Variants in PRDM16 observed in about 807,000 individuals in gnomAD.
The protein encoded by PRDM16 is histone-lysine N-methyltransferase PRDM16.
A neutral mutation model predicts 110.6 loss-of-function variants in PRDM16; 23 were observed. That is an observed-to-expected ratio of 0.21 (90% CI 0.15 to 0.29). The LOEUF (loss-of-function observed/expected upper bound fraction) is 0.29. Among genes scored for constraint, PRDM16 ranks in the 10% least tolerant of loss-of-function variants. The pLI is 1.00. For missense variants in PRDM16, 1,615 were observed against 1,794.3 expected, an observed-to-expected ratio of 0.90 and a Z score of 1.81; for synonymous variants, 799 against 781.8, an observed-to-expected ratio of 1.02 and a Z score of -0.37.
rs186426649 is a variant in PRDM16, at chr1:3,359,807, C to T, written c.439-25345C>T. Among the ~76,000 whole-genome samples, 2 of 152,156 alleles carry T rather than the reference C, an allele frequency of 1.3e-5. No individual in the cohort carries two copies. The highest frequency in any genetic ancestry group is 2.9e-5 in the Non-Finnish European group (2 of 68,038). ...GGGAAAAACGAGCCTGGCCTGAAAC[C>T]ACGCCCGTGCTCAAAGTGATGTTTA... is the stretch of plus-strand genomic sequence containing the variant. On this transcript the variant is annotated intron_variant, in intron 3 of 16. Coordinates refer to ENST00000270722, the MANE Select transcript of PRDM16 (RefSeq NM_022114.4). The surrounding 1 kb of genome is among the most constrained non-coding windows in gnomAD (Gnocchi z 4.3).
intron 1 of PRDM16, among the ~76,000 whole-genome samples, chr1:3,095,570 C>T (rs1035590477): frequency 1.3e-5 from 2 of 152,140 alleles, no homozygotes; most frequent in African/African-American, 4.8e-5. Context: ...CCTAGTGCCC[C>T]CTGGACTCAG....
intron 3 of PRDM16, among the ~76,000 whole-genome samples, chr1:3,280,967 C>T (rs75596275): frequency 0.017 from 2,616 of 152,318 alleles, 81 homozygotes; most frequent in African/African-American, 0.059. Context: ...TCTGGGAGGC[C>T]GAGTGGCTGC....
rs549344738 is a variant in PRDM16, at chr1:3,084,232, C to T, written c.37+14936C>T. On this transcript the variant is annotated intron_variant, in intron 1 of 16. Transcript: ENST00000270722. The stretch of plus-strand genomic sequence containing the variant: ...GGGGCGTCTGGGGGCCTGTACCCCT[C>T]GGGTGGGGCAGGTTGGGCTGGAGCC... 5.6e-4 allele frequency among the ~76,000 whole-genome samples: 86 copies of T among 152,240 alleles called. 1 individual carries two copies. Among genetic ancestry groups the T allele is most frequent in the Non-Finnish European group, 8.7e-4 (59 of 67,998 alleles).
chr1:3,316,374 C>T (rs116353006), intron 3 of PRDM16, among the ~76,000 whole-genome samples: 2,839 of 152,220 alleles, frequency 0.019, 92 homozygotes, highest in African/African-American at 0.063. Flanking sequence ...GCAAAAGCTA[C>T]GGGACCCCCG....
At position 3,265,923 on chromosome 1, in the gene PRDM16, G is replaced by T. The variant is rs199592159; in HGVS notation, c.438+21786G>T. Among the ~76,000 whole-genome samples the T allele has an allele frequency of 1.4e-4, 22 of 152,152 alleles. No individual in the cohort carries two copies. In the East Asian group the frequency reaches 4.3e-3, roughly 30 times the overall value. ...ACTGCTCCCCAGGGTTCCTTGGTGC[G>T]TGTCTCATAAAGCCCAGGAGGGCGA... On this transcript the variant is annotated intron_variant, in intron 3 of 16. Coordinates refer to ENST00000270722, the MANE Select transcript of PRDM16 (RefSeq NM_022114.4). The surrounding 1 kb of genome is among the most constrained non-coding windows in gnomAD (Gnocchi z 4.5).
At chr1:3,354,044 CT>C in intron 3 of PRDM16, among the ~76,000 whole-genome samples, 1 of 152,346 alleles carries the variant, frequency 6.6e-6, no homozygotes, top group East Asian at 1.9e-4. Flanking sequence ...GAACCGGGTC[CT>C]GGTCCAGGCA....
chr1:3,402,988 A>G lies in PRDM16; in HGVS notation c.874A>G (p.Asn292Asp). The G allele has an allele frequency of 1.2e-6, 2 of 1,604,572 alleles. No individual in the cohort carries two copies. Among genetic ancestry groups the G allele is most frequent in the East Asian group, 2.2e-5 (1 of 44,720 alleles). The change falls in exon 6 of 17, where the codon AAC (asparagine) becomes GAC (aspartate). Residue 292 changes from asparagine to aspartate, a missense_variant. Asn to Asp is a conservative substitution (Grantham distance 23, BLOSUM62 1). Around this residue, in one of 5 missense-constraint regions of PRDM16, gnomAD observed 416 missense variants for 467.1 expected, o/e 0.89. Transcript: ENST00000270722. The part of the protein sequence containing the change: ...ECKDCERMFP[N>D]KYSLEQHMVI... The stretch of plus-strand genomic sequence containing the variant: ...CAAGGACTGCGAGCGGATGTTCCCC[A>G]ACAAGTACAGGTGCCACGCCCTCCT...
At chr1:3,083,479 G>A (rs1298212981) in intron 1 of PRDM16, among the ~76,000 whole-genome samples, 1 of 152,258 alleles carries the variant, frequency 6.6e-6, no homozygotes, top group Non-Finnish European at 1.5e-5. Flanking sequence ...CTAGGGTTGG[G>A]GGTTTCACCC....
chr1:3,336,818 CTG>C (rs1430349919), intron 3 of PRDM16, among the ~76,000 whole-genome samples: 3 of 145,160 alleles, frequency 2.1e-5, no homozygotes, highest in East Asian at 4.2e-4. Context: ...TGGAGTGAGT[CTG>C]TGTGTGCATG....
At chr1:3,118,584 G>T (rs970465359) in intron 1 of PRDM16, among the ~76,000 whole-genome samples, 11 of 152,252 alleles carry the variant, frequency 7.2e-5, no homozygotes, top group Admixed American at 6.5e-4. Context: ...CACCAGGAGA[G>T]GGGGAGGCAA....
chr1:3,270,954 A>G (rs2100288475), intron 3 of PRDM16, among the ~76,000 whole-genome samples: 2 of 152,062 alleles, frequency 1.3e-5, no homozygotes, highest in East Asian at 3.9e-4. Context: ...GGGCAGTTCC[A>G]GAGGAGCAGT....
chr1:3,155,575 G>A (rs766531334), intron 1 of PRDM16, among the ~76,000 whole-genome samples: 10 of 152,268 alleles, frequency 6.6e-5, no homozygotes, highest in African/African-American at 9.6e-5. Context: ...CAGCAGCGTT[G>A]CCGCGTCTCA....
At chr1:3,324,406 C>G (rs527528910) in intron 3 of PRDM16, among the ~76,000 whole-genome samples, 27 of 152,190 alleles carry the variant, frequency 1.8e-4, no homozygotes, top group Non-Finnish European at 3.4e-4. Flanking sequence ...CACTCCCAGA[C>G]AATCTCTCCA....
chr1:3,076,179 C>T (rs770101934), intron 1 of PRDM16, among the ~76,000 whole-genome samples: 23 of 152,194 alleles, frequency 1.5e-4, no homozygotes, highest in Non-Finnish European at 2.9e-4. Context: ...CTCTGTCAAG[C>T]GTGGGTGTGT....
chr1:3,429,716 A>C (rs1214060990), intron 14 of PRDM16, among the ~76,000 whole-genome samples: 1 of 152,080 alleles, frequency 6.6e-6, no homozygotes, highest in African/African-American at 2.4e-5. Flanking sequence ...GGACCGAGGA[A>C]CTCTCCTCAA....
chr1:3,171,913 G>T (rs112341660), intron 1 of PRDM16, among the ~76,000 whole-genome samples: 6 of 152,192 alleles, frequency 3.9e-5, no homozygotes, highest in Admixed American at 1.3e-4. Flanking sequence ...GCAGCGAGCC[G>T]AGCTCCAGGT....
intron 3 of PRDM16, among the ~76,000 whole-genome samples, chr1:3,252,768 G>T (rs757931327): frequency 4.7e-4 from 71 of 152,252 alleles, no homozygotes; most frequent in Non-Finnish European, 8.8e-4. Flanking sequence ...GACCGTGGGG[G>T]TCCCAGCTGG....
chr1:3,313,607 C>G (rs1224940886), intron 3 of PRDM16, among the ~76,000 whole-genome samples: 1 of 152,362 alleles, frequency 6.6e-6, no homozygotes, highest in Non-Finnish European at 1.5e-5. Context: ...CTCCCAGCCC[C>G]TCACCTGCGC....
intron 1 of PRDM16, among the ~76,000 whole-genome samples, chr1:3,179,814 C>T (rs1205403227): frequency 1.3e-5 from 2 of 152,214 alleles, no homozygotes; most frequent in Non-Finnish European, 2.9e-5. Flanking sequence ...CTCGTACAAG[C>T]TTTTCTGGTT....
Sources: gnomAD v4.1 joint callset for allele counts (sites outside exome capture counted in the v4.1 genomes callset) on GRCh38, gnomAD v4.1.1 for gene constraint, gnomAD v4.1.1 regional missense constraint, Gnocchi (gnomAD v3.1) non-coding constraint, MANE v1.5 for transcripts, NCBI Gene and HGNC (gene_info 2026-07-23, HGNC 2026-07-21) for gene names.